The following DAB2IP variants were observed in gnomAD, a reference collection of about 807,000 sequenced individuals.
The protein encoded by DAB2IP is DAB2 interacting protein.
Under a neutral mutation model 107.2 loss-of-function variants are expected in DAB2IP, and 28 were observed. The observed-to-expected ratio is 0.26, with a 90% CI of 0.19 to 0.36. The LOEUF (loss-of-function observed/expected upper bound fraction) is 0.36. Ranked by LOEUF, DAB2IP falls within the 10% of genes least tolerant of loss-of-function variation. The probability of loss-of-function intolerance (pLI) is 1.00; values close to 1 mark genes in which losing one functional copy is unlikely to be tolerated. For synonymous variants in DAB2IP, 755 were observed against 706.4 expected, an observed-to-expected ratio of 1.07 and a Z score of -1.09; for missense variants, 1,400 against 1,644.7, an observed-to-expected ratio of 0.85 and a Z score of 2.57.
rs1268390014 is a variant in DAB2IP at position 121,702,899 on chromosome 9, C to T, written c.362+3441C>T. Among the ~76,000 whole-genome samples, 1 of 152,160 alleles carries T rather than the reference C, an allele frequency of 6.6e-6. No homozygotes were observed. The highest frequency in any genetic ancestry group is 1.9e-4 in the East Asian group (1 of 5,192). ...TTGGCATGCTACCTGTCTAAACTTA[C>T]CACAGTAGTTACTCTAAAGTGTCTG... On this transcript the variant is annotated intron_variant, in intron 3 of 15. Transcript: ENST00000408936. This position sits in a 1 kb window ranked among gnomAD's most constrained non-coding sequence, Gnocchi z 4.5.
chr9:121,759,759 G>C, intron 5 of DAB2IP, 126 bp from the exon 6 acceptor site: 1 of 805,676 alleles, frequency 1.2e-6, no homozygotes, highest in Non-Finnish European at 1.9e-6. Context: ...TTAGGGCCTA[G>C]GCGCCCGCTG....
chr9:121,781,336 T>C (rs1835626558), intron 14 of DAB2IP, 128 bp from the exon 15 acceptor site: 2 of 857,550 alleles, frequency 2.3e-6, no homozygotes, highest in Admixed American at 4.1e-5. Flanking sequence ...GGGAGGCAAG[T>C]CTCTGACCCA....
chr9:121,656,847 A>G (rs1054876717), intron 1 of DAB2IP, among the ~76,000 whole-genome samples: 4 of 152,216 alleles, frequency 2.6e-5, no homozygotes, highest in African/African-American at 4.8e-5. Flanking sequence ...ACAGCTCAGA[A>G]ATGGTGGAGC....
At chr9:121,710,680 G>A (rs374920493) in intron 3 of DAB2IP, among the ~76,000 whole-genome samples, 1 of 152,184 alleles carries the variant, frequency 6.6e-6, no homozygotes, top group East Asian at 1.9e-4. Flanking sequence ...ACATAGAGGT[G>A]ACTTCCATCA....
At chr9:121,774,674 C>T (rs966597882) in intron 13 of DAB2IP, among the ~76,000 whole-genome samples, 10 of 152,182 alleles carry the variant, frequency 6.6e-5, no homozygotes, top group Admixed American at 4.6e-4. Flanking sequence ...GATACAGACT[C>T]CTGGGACCTC....
chr9:121,618,240 G>T (rs2118989618), intron 1 of DAB2IP, among the ~76,000 whole-genome samples: 1 of 152,356 alleles, frequency 6.6e-6, no homozygotes, highest in East Asian at 1.9e-4. Context: ...TGGGAATGGG[G>T]AAAGGGGAGT....
chr9:121,619,955 A>G (rs1250361712), intron 1 of DAB2IP, among the ~76,000 whole-genome samples: 2 of 152,232 alleles, frequency 1.3e-5, no homozygotes, highest in Non-Finnish European at 2.9e-5. Flanking sequence ...ACTGGGATAC[A>G]ACATTGGGTT....
chr9:121,779,998 G>T (rs948901274), intron 14 of DAB2IP, among the ~76,000 whole-genome samples: 3 of 152,174 alleles, frequency 2.0e-5, no homozygotes, highest in African/African-American at 7.2e-5. Context: ...TGTTCTCCTA[G>T]AAATTATTGT....
At chr9:121,621,984 C>CTTTTTTTTTTTTTTTTTT (rs1202929145) in intron 1 of DAB2IP, among the ~76,000 whole-genome samples, 17 of 99,714 alleles carry the variant, frequency 1.7e-4, no homozygotes, top group East Asian at 2.7e-4. Context: ...TTTTTTCTTT[C>CTTTTTTTTTTTTTTTTTT]TTTTTTTTTT....
rs1400505085 is a variant in DAB2IP, at chr9:121,699,486, C to T, written c.362+28C>T. 1.6e-6 allele frequency: 2 copies of T among 1,268,754 alleles called. No homozygotes were observed. Among genetic ancestry groups the T allele is most frequent in the Non-Finnish European group, 2.0e-6 (2 of 1,004,264 alleles). The allele number at this position is 1,268,754 out of a possible 1,614,324, so 78.6% of individuals were successfully genotyped here. A position where few individuals can be genotyped will look rare whatever the true frequency, so the allele number is the denominator to read the frequency against. On this transcript the variant is annotated intron_variant, in intron 3 of 15. Transcript: ENST00000408936. The surrounding 1 kb of genome is among the most constrained non-coding windows in gnomAD (Gnocchi z 6.2). ...GAGCCCGCCGCCGCCGCCCGGTCCC[C>T]CGCGCCGCCGCCCCGGGCTGCGCCC...
At chr9:121,584,235 C>A (rs1203744377) in intron 1 of DAB2IP, among the ~76,000 whole-genome samples, 1 of 152,100 alleles carries the variant, frequency 6.6e-6, no homozygotes, top group Middle Eastern at 3.4e-3. Flanking sequence ...AGCCACCACG[C>A]CCAGCCTCAA....
chr9:121,757,243 G>A, intron 4 of DAB2IP, 77 bp downstream of exon 4: 1 of 1,549,578 alleles, frequency 6.5e-7, no homozygotes, highest in South Asian at 1.2e-5. Context: ...ACATCCTCCT[G>A]GAGTCCAGTC....
chr9:121,782,542 T>C lies in DAB2IP; in HGVS notation c.*44T>C. On this transcript the variant is annotated 3_prime_UTR_variant, in exon 16 of 16. Coordinates refer to ENST00000408936, the Ensembl canonical transcript of DAB2IP. This position sits in a 1 kb window ranked among gnomAD's most constrained non-coding sequence, Gnocchi z 6.1. ...AAGCTACCCAAGGAGAGGGGGACTATGGTGGCCAAGGGCAGGGTCTCGGCC... is the reference window on the plus strand; with the variant it reads ...AAGCTACCCAAGGAGAGGGGGACTACGGTGGCCAAGGGCAGGGTCTCGGCC... 1 of 1,600,812 alleles carries C rather than the reference T, an allele frequency of 6.2e-7. No individual in the cohort carries two copies. Among genetic ancestry groups the C allele is most frequent in the Non-Finnish European group, 8.5e-7 (1 of 1,170,638 alleles).
intron 3 of DAB2IP, among the ~76,000 whole-genome samples, chr9:121,749,431 G>T (rs913141944): frequency 6.6e-6 from 1 of 152,240 alleles, no homozygotes; most frequent in African/African-American, 2.4e-5. Flanking sequence ...GAGGCCTAGA[G>T]AGTCTGCTGA....
chr9:121,779,307 A>G (rs1053480208), intron 14 of DAB2IP, among the ~76,000 whole-genome samples: 1 of 152,154 alleles, frequency 6.6e-6, no homozygotes, highest in Non-Finnish European at 1.5e-5. Flanking sequence ...TATTTATAAT[A>G]CCTTGTTGTT....
intron 2 of DAB2IP, among the ~76,000 whole-genome samples, chr9:121,686,488 C>A (rs1022954077): frequency 6.6e-6 from 1 of 152,134 alleles, no homozygotes; most frequent in African/African-American, 2.4e-5. Flanking sequence ...TAAAGGCCAC[C>A]ACCCCAGTCC....
intron 1 of DAB2IP, among the ~76,000 whole-genome samples, chr9:121,576,483 C>T (rs895616014): frequency 6.6e-6 from 1 of 152,164 alleles, no homozygotes; most frequent in Admixed American, 6.6e-5. Flanking sequence ...AGGTCACCTC[C>T]TCCAGGAAGC....
intron 3 of DAB2IP, among the ~76,000 whole-genome samples, chr9:121,743,389 G>A (rs1441874586): frequency 2.0e-5 from 3 of 152,094 alleles, no homozygotes; most frequent in Admixed American, 1.3e-4. Flanking sequence ...CTCAGAAGCC[G>A]AGGGCCTCTA....
intron 1 of DAB2IP, among the ~76,000 whole-genome samples, chr9:121,610,204 T>C (rs1831041185): frequency 6.6e-6 from 1 of 152,298 alleles, no homozygotes; most frequent in East Asian, 1.9e-4. Flanking sequence ...GGATAGTGGC[T>C]CTGTGTTAGG....
Sources: allele counts gnomAD v4.1 joint callset (sites outside exome capture counted in the v4.1 genomes callset), GRCh38; gene constraint gnomAD v4.1.1; non-coding constraint Gnocchi (gnomAD v3.1); transcripts MANE v1.5; gene names NCBI Gene and HGNC (gene_info 2026-07-23, HGNC 2026-07-21).